TTC6: variants seen among roughly 807,000 people sequenced by gnomAD.
TTC6 encodes tetratricopeptide repeat protein 6.
Under a neutral mutation model 210.4 loss-of-function variants are expected in TTC6, and 172 were observed. The ratio of observed to expected loss-of-function variants is 0.82; its 90% CI spans 0.72 to 0.93. TTC6 has a LOEUF of 0.93. Among genes scored for constraint, TTC6 ranks in the 40% least tolerant of loss-of-function variants. The pLI is 0.00. For missense variants in TTC6, 2,414 were observed against 2,318.1 expected (o/e 1.04, Z -0.85); for synonymous variants, 804 against 819.6 (o/e 0.98, Z 0.32).
rs2096077883 is a variant in TTC6 at position 37,790,937 on chromosome 14, G to GA, written c.3557+106dup. The GA allele has an allele frequency of 8.5e-6, 8 of 941,228 alleles. No individual in the cohort carries two copies. The South Asian group carries it at 1.3e-4, about 15-fold the overall frequency. 58.3% of individuals were successfully genotyped at this position (941,228 alleles called of 1,614,324 possible). ...CTTTCCCCTCATCATTGATAACCTAGAAAAAATGAGACACTTATAAAGTCA... is the reference window on the plus strand; with the variant it reads ...CTTTCCCCTCATCATTGATAACCTAGAAAAAAATGAGACACTTATAAAGTCA... On this transcript the variant is annotated intron_variant, in intron 16 of 30. Transcript: ENST00000553443.
At chr14:37,664,736 T>G (rs1595078564) in intron 1 of TTC6, among the ~76,000 whole-genome samples, 1 of 150,508 alleles carries the variant, frequency 6.6e-6, no homozygotes, top group Admixed American at 6.6e-5. Flanking sequence ...TGGGGAAAAT[T>G]TTTGCAATCT....
exon 6 of TTC6, chr14:37,714,673 T>C (rs1343577545): frequency 1.3e-6 from 2 of 1,535,218 alleles, no homozygotes; most frequent in Non-Finnish European, 1.7e-6. Flanking sequence ...ATGGAATTCC[T>C]GTTATGGATG....
Position 37,782,636 on chromosome 14 carries a change from T to C in TTC6, c.3267-4832T>C, listed in dbSNP as rs2096057963. Among the ~76,000 whole-genome samples, 2 of 152,174 alleles carry C rather than the reference T, an allele frequency of 1.3e-5. 1 individual carries two copies. Among genetic ancestry groups the C allele is most frequent in the South Asian group, 4.1e-4 (2 of 4,826 alleles). ...CCCTTTATTTCTTTCTCCTGCCTAA[T>C]TGCCCTGGCCAGAACTTCCAACACT... On this transcript the variant is annotated intron_variant, in intron 14 of 30. Coordinates refer to ENST00000553443, the Ensembl canonical transcript of TTC6.
At chr14:37,832,329 C>CTTTTTTTTTTTTTTTTTTTTTTTTTTTTT (rs58133834) in intron 29 of TTC6, among the ~76,000 whole-genome samples, 11 of 68,906 alleles carry the variant, frequency 1.6e-4, no homozygotes, top group Admixed American at 3.4e-4. Flanking sequence ...TTCTTTCTCT[C>CTTTTTTTTTTTTTTTTTTTTTTTTTTTTT]TTTTTTTTTT....
At chr14:37,756,901 T>G (rs2095969635) in intron 14 of TTC6, among the ~76,000 whole-genome samples, 1 of 152,318 alleles carries the variant, frequency 6.6e-6, no homozygotes, top group South Asian at 2.1e-4. Context: ...TTTCTATTGT[T>G]TGGAACAGTT....
At chr14:37,754,301 T>C (rs1487387796) in intron 14 of TTC6, among the ~76,000 whole-genome samples, 1 of 152,158 alleles carries the variant, frequency 6.6e-6, no homozygotes, top group Non-Finnish European at 1.5e-5. Flanking sequence ...TGTGTTCTCA[T>C]AGTTCAATTC....
At chr14:37,835,650 C>T (rs1012773569) in intron 29 of TTC6, among the ~76,000 whole-genome samples, 6 of 151,788 alleles carry the variant, frequency 4.0e-5, no homozygotes, top group East Asian at 1.9e-4. Context: ...TGGGAGTGAA[C>T]GGTGAAGAAA....
intron 6 of TTC6, among the ~76,000 whole-genome samples, chr14:37,720,817 C>T (rs2095860426): frequency 6.6e-6 from 1 of 151,884 alleles, no homozygotes. Context: ...ATAGTGGTTT[C>T]CAGGTTTTCA....
chr14:37,637,141 C>A (rs2095682485), intron 1 of TTC6, among the ~76,000 whole-genome samples: 1 of 148,814 alleles, frequency 6.7e-6, no homozygotes, highest in Non-Finnish European at 1.5e-5. Flanking sequence ...AAACAAAAAC[C>A]AAAAAACAAA....
intron 2 of TTC6, among the ~76,000 whole-genome samples, chr14:37,611,007 C>A (rs1218759636): frequency 6.6e-6 from 1 of 152,246 alleles, no homozygotes; most frequent in African/African-American, 2.4e-5. Flanking sequence ...AGCTGCCAAT[C>A]CAGGCGGCTT....
intron 25 of TTC6, among the ~76,000 whole-genome samples, chr14:37,816,484 A>T (rs962625423): frequency 6.6e-6 from 1 of 151,812 alleles, no homozygotes; most frequent in Non-Finnish European, 1.5e-5. Flanking sequence ...GCCTGGAGGG[A>T]TTTCCTTTTG....
Position 37,787,449 on chromosome 14 carries a change from A to G in TTC6, c.3267-19A>G. On this transcript the variant is annotated intron_variant, in intron 14 of 30. Coordinates refer to ENST00000553443, the Ensembl canonical transcript of TTC6. ...TGTATACTTTACAGTACTTGTTAAA[A>G]CAAACTTTTTTTTCCTAGGACATAC... 2.0e-6 allele frequency: 3 copies of G among 1,481,076 alleles called. No homozygotes were observed. The highest frequency in any genetic ancestry group is 1.8e-6 in the Non-Finnish European group (2 of 1,113,586). 91.7% of individuals were successfully genotyped at this position (1,481,076 alleles called of 1,614,324 possible).
intron 2 of TTC6, among the ~76,000 whole-genome samples, chr14:37,608,388 C>T (rs764710419): frequency 2.0e-5 from 3 of 152,048 alleles, no homozygotes; most frequent in Admixed American, 2.0e-4. Flanking sequence ...TGGCTCACTG[C>T]AGCCTCGACT....
intron 20 of TTC6, among the ~76,000 whole-genome samples, chr14:37,802,980 G>A (rs1008894861): frequency 1.3e-5 from 2 of 152,044 alleles, no homozygotes; most frequent in African/African-American, 4.8e-5. Context: ...TGATCCACTT[G>A]CTTCTGCCTC....
At chr14:37,733,977 C>G (rs910916676) in intron 7 of TTC6, among the ~76,000 whole-genome samples, 9 of 151,836 alleles carry the variant, frequency 5.9e-5, no homozygotes, top group Non-Finnish European at 1.0e-4. Context: ...TCTATTTTTC[C>G]CTAAATCTGT....
At chr14:37,820,308 G>T (rs2139476601) in intron 26 of TTC6, among the ~76,000 whole-genome samples, 1 of 152,286 alleles carries the variant, frequency 6.6e-6, no homozygotes, top group East Asian at 1.9e-4. Flanking sequence ...TGTCTTTCAA[G>T]ATCTCTTTTC....
intron 5 of TTC6, among the ~76,000 whole-genome samples, chr14:37,713,512 A>G (rs2095847889): frequency 6.6e-6 from 1 of 151,972 alleles, no homozygotes. Flanking sequence ...TGCTGGGATT[A>G]CAGGCATGAA....
chr14:37,704,461 A>T (rs761707428), intron 5 of TTC6, among the ~76,000 whole-genome samples: 1 of 151,762 alleles, frequency 6.6e-6, no homozygotes, highest in Non-Finnish European at 1.5e-5. Context: ...CTCTTTTTGA[A>T]TTTTTTCTAA....
chr14:37,663,145 AT>A (rs886471989), intron 1 of TTC6, among the ~76,000 whole-genome samples: 2 of 151,102 alleles, frequency 1.3e-5, no homozygotes, highest in Non-Finnish European at 3.0e-5. Context: ...TAGGCATTTT[AT>A]TTTTTTTGTG....
Sources: gnomAD v4.1 joint callset for allele counts (sites outside exome capture counted in the v4.1 genomes callset) on GRCh38, gnomAD v4.1.1 for gene constraint, MANE v1.5 for transcripts, NCBI Gene and HGNC (gene_info 2026-07-23, HGNC 2026-07-21) for gene names.